WWC1: variants seen among roughly 807,000 people sequenced by gnomAD.
WWC1 encodes WW and C2 domain containing 1, also known as protein KIBRA.
WWC1 carries 55 observed loss-of-function variants against 138.4 expected under a neutral mutation model. That is an observed-to-expected ratio of 0.40 (90% CI 0.32 to 0.50). The LOEUF (loss-of-function observed/expected upper bound fraction) is 0.50, where lower values mean the gene tolerates loss of function less well. Among genes scored for constraint, WWC1 ranks in the 20% least tolerant of loss-of-function variants. WWC1 has a pLI of 0.72. For missense variants in WWC1, 1,226 were observed against 1,420.4 expected (o/e 0.86, Z 2.20); for synonymous variants, 524 against 564.9 (o/e 0.93, Z 1.03).
chr5:168,453,580 T>C (rs866746424), intron 17 of WWC1, among the ~76,000 whole-genome samples: 14 of 152,130 alleles, frequency 9.2e-5, no homozygotes, highest in African/African-American at 3.4e-4. Context: ...AGTTTCACTC[T>C]TGTTGCCCAG....
chr5:168,361,761 G>A (rs1377591766), intron 1 of WWC1, among the ~76,000 whole-genome samples: 1 of 152,126 alleles, frequency 6.6e-6, no homozygotes, highest in Non-Finnish European at 1.5e-5. Context: ...CATTCTCTAC[G>A]TTGGGGGCCT....
chr5:168,426,000 C>T (rs1383096183), intron 11 of WWC1, among the ~76,000 whole-genome samples: 1 of 152,188 alleles, frequency 6.6e-6, no homozygotes, highest in Non-Finnish European at 1.5e-5. Flanking sequence ...CAGCTAGAAG[C>T]AGCCAGACCC....
intron 1 of WWC1, among the ~76,000 whole-genome samples, chr5:168,311,511 G>C (rs183690672): frequency 5.9e-5 from 9 of 152,118 alleles, no homozygotes; most frequent in African/African-American, 2.2e-4. Flanking sequence ...TCTTACTAGC[G>C]TGTGACCCTC....
chr5:168,333,650 G>T (rs952455447), intron 1 of WWC1, among the ~76,000 whole-genome samples: 1 of 152,182 alleles, frequency 6.6e-6, no homozygotes, highest in African/African-American at 2.4e-5. Context: ...GAACTGTCCT[G>T]AAGGAGAGAG....
chr5:168,311,721 C>T (rs935930199), intron 1 of WWC1, among the ~76,000 whole-genome samples: 1 of 152,000 alleles, frequency 6.6e-6, no homozygotes, highest in African/African-American at 2.4e-5. Context: ...AAATGATATA[C>T]AAAAAATTAG....
At position 168,423,979 on chromosome 5, in the gene WWC1, C is replaced by T; in HGVS notation, c.1721C>T (p.Ala574Val). The change falls in exon 11 of 23, where the codon GCC becomes GTC. Residue 574 changes from alanine (A) to valine (V), a missense_variant. By Grantham distance (64) the Ala-to-Val change is moderately conservative. Coordinates refer to ENST00000265293, the MANE Select transcript of WWC1 (RefSeq NM_015238.3). ...GAGTTTGAAGACCCGGAGCTGAGTG[C>T]CACTCTTTGTGAACTGAGCCTTGGT... ...SLEFEDPELS[A>V]TLCELSLGNS... The T allele has an allele frequency of 6.2e-7, 1 of 1,614,114 alleles. No individual in the cohort carries two copies. The highest frequency in any genetic ancestry group is 1.1e-5 in the South Asian group (1 of 91,074).
At chr5:168,460,826 A>C (rs537151028) in intron 20 of WWC1, 84 bp downstream of exon 20, 7 of 1,351,260 alleles carry the variant, frequency 5.2e-6, no homozygotes, top group East Asian at 4.8e-5. Context: ...ACATCTCCTA[A>C]TGTCTGGCCA....
At chr5:168,312,987 T>C (rs1771251387) in intron 1 of WWC1, among the ~76,000 whole-genome samples, 1 of 151,922 alleles carries the variant, frequency 6.6e-6, no homozygotes, top group Non-Finnish European at 1.5e-5. Context: ...TTTGTATTTT[T>C]AGTGGAGACA....
At chr5:168,397,466 CT>C (rs1386756016) in intron 3 of WWC1, among the ~76,000 whole-genome samples, 4 of 152,086 alleles carry the variant, frequency 2.6e-5, no homozygotes, top group African/African-American at 7.2e-5. Flanking sequence ...ATTCTTTACA[CT>C]TTTTTTGTAA....
chr5:168,459,010 T>C (rs376747825), intron 19 of WWC1, among the ~76,000 whole-genome samples: 2 of 152,128 alleles, frequency 1.3e-5, no homozygotes, highest in South Asian at 2.1e-4. Flanking sequence ...TCCCAGGACA[T>C]TGAGAGGCTG....
chr5:168,414,602 G>T lies in WWC1; in HGVS notation c.1184+12G>T. 1 of 1,547,246 alleles carries T rather than the reference G, an allele frequency of 6.5e-7. No individual in the cohort carries two copies. The highest frequency in any genetic ancestry group is 8.7e-7 in the Non-Finnish European group (1 of 1,146,158). On this transcript the variant is annotated intron_variant, in intron 9 of 22. Coordinates refer to ENST00000265293, the MANE Select transcript of WWC1 (RefSeq NM_015238.3). ...GCGCTGACGGAGAGGTGGGGCTGGG[G>T]CCCCAGGGTGTGTAGGACCCTTCTC...
At position 168,421,326 on chromosome 5, in the gene WWC1, C is replaced by T. The variant is rs1282561171; in HGVS notation, c.1185-682C>T. On this transcript the variant is annotated intron_variant, in intron 9 of 22. Coordinates refer to ENST00000265293, the MANE Select transcript of WWC1 (RefSeq NM_015238.3). ...AAAATGGTGGAGGCAGGGTACACAC[C>T]ACCAGTCTCAGCCACAGAGTCACTT... 2.0e-5 allele frequency among the ~76,000 whole-genome samples: 3 copies of T among 152,220 alleles called. No homozygotes were observed. In the East Asian group the frequency reaches 5.8e-4, roughly 29 times the overall value.
rs886756928 is a variant in WWC1, at chr5:168,377,819, T to C, written c.229+6286T>C. ...GGATGTGGAGAAAAGAGAACACTTA[T>C]ATGCTGTCAGTGGGAATGTAAATTA... is the stretch of plus-strand genomic sequence containing the variant. On this transcript the variant is annotated intron_variant, in intron 2 of 22. Transcript: ENST00000265293. Among the ~76,000 whole-genome samples the C allele has an allele frequency of 3.9e-5, 6 of 152,246 alleles. No homozygotes were observed. The East Asian group carries it at 7.7e-4, about 20-fold the overall frequency.
chr5:168,316,156 G>A (rs1256674340), intron 1 of WWC1, among the ~76,000 whole-genome samples: 5 of 152,008 alleles, frequency 3.3e-5, no homozygotes, highest in East Asian at 1.9e-4. Flanking sequence ...CAGAATTTGC[G>A]ACCACGATTT....
chr5:168,464,841 C>T lies in WWC1; in HGVS notation c.3029C>T (p.Ser1010Leu), dbSNP rs149169332. 27 of 1,614,084 alleles carry T rather than the reference C, an allele frequency of 1.7e-5. No homozygotes were observed. The highest frequency in any genetic ancestry group is 1.6e-4 in the Middle Eastern group (1 of 6,084). ...TWHSQLTQEI[S>L]VLKELKEQLE... is the part of the protein sequence containing the mutation. The stretch of plus-strand genomic sequence containing the variant: ...CACAGCCAATTGACCCAGGAGATCT[C>T]GGTGCTGAAGGAGCTCAAGGAGCAG... The change falls in exon 21 of 23, where the codon TCG (serine) becomes TTG (leucine). Residue 1010 changes from serine (S) to leucine (L), a missense_variant. Around this residue, in one of 3 missense-constraint regions of WWC1, gnomAD observed 206 missense variants for 247.4 expected, o/e 0.83. Coordinates refer to ENST00000265293, the MANE Select transcript of WWC1 (RefSeq NM_015238.3).
intron 1 of WWC1, 78 bp from the exon 2 acceptor site, chr5:168,371,346 G>A: frequency 9.7e-7 from 1 of 1,027,906 alleles, no homozygotes. Context: ...AGAAAAGCAG[G>A]AGGCACAGGG....
intron 1 of WWC1, among the ~76,000 whole-genome samples, chr5:168,356,046 A>C (rs762066638): frequency 1.3e-5 from 2 of 152,200 alleles, no homozygotes; most frequent in African/African-American, 2.4e-5. Flanking sequence ...GGTTCAGTCC[A>C]TGGCCTGTGA....
At chr5:168,424,176 G>A (rs1457127031) in intron 11 of WWC1, 108 bp downstream of exon 11, 4 of 1,344,976 alleles carry the variant, frequency 3.0e-6, no homozygotes, top group Non-Finnish European at 4.0e-6. Context: ...GACTGCTTCT[G>A]TGTGCTGGGT....
intron 19 of WWC1, among the ~76,000 whole-genome samples, chr5:168,457,123 C>T (rs1483978495): frequency 6.7e-6 from 1 of 148,896 alleles, no homozygotes; most frequent in Non-Finnish European, 1.5e-5. Context: ...AGATCACACT[C>T]CACAGGTAGA....
Sources: allele counts gnomAD v4.1 joint callset (sites outside exome capture counted in the v4.1 genomes callset), GRCh38; gene constraint gnomAD v4.1.1; regional missense constraint gnomAD v4.1.1; transcripts MANE v1.5; gene names NCBI Gene and HGNC (gene_info 2026-07-23, HGNC 2026-07-21).